Variants in PPARGC1B observed in about 807,000 individuals in gnomAD.
PPARGC1B encodes the protein peroxisome proliferator-activated receptor gamma coactivator 1-beta.
PPARGC1B carries 34 observed loss-of-function variants against 101.6 expected under a neutral mutation model. That is an observed-to-expected ratio of 0.33 (90% CI 0.25 to 0.45). PPARGC1B has a LOEUF of 0.45. Among genes scored for constraint, PPARGC1B ranks in the 20% least tolerant of loss-of-function variants. PPARGC1B has a pLI of 1.00. For synonymous variants in PPARGC1B, 548 were observed against 539.3 expected, an observed-to-expected ratio of 1.02 and a Z score of -0.22; for missense variants, 1,234 against 1,317.6, an observed-to-expected ratio of 0.94 and a Z score of 0.98.
intron 1 of PPARGC1B, among the ~76,000 whole-genome samples, chr5:149,800,265 A>G (rs1461139777): frequency 2.0e-5 from 3 of 152,298 alleles, no homozygotes; most frequent in African/African-American, 7.2e-5. Context: ...TCCACCTAAC[A>G]GCCCATCTTG....
intron 1 of PPARGC1B, among the ~76,000 whole-genome samples, chr5:149,767,709 G>A (rs1353341682): frequency 3.3e-5 from 5 of 152,028 alleles, no homozygotes; most frequent in African/African-American, 1.2e-4. Flanking sequence ...TTGGACATCT[G>A]GCAGGATCAC....
chr5:149,776,045 C>T (rs547104109), intron 1 of PPARGC1B, among the ~76,000 whole-genome samples: 1 of 152,364 alleles, frequency 6.6e-6, no homozygotes, highest in African/African-American at 2.4e-5. Context: ...TTCCCCTCCA[C>T]CTCCTTCTCT....
chr5:149,730,468 CG>C lies in PPARGC1B; in HGVS notation c.78+53del. On this transcript the variant is annotated intron_variant, in intron 1 of 11. Transcript: ENST00000309241. This position sits in a 1 kb window ranked among gnomAD's most constrained non-coding sequence, Gnocchi z 4.0. ...GCCCGGGGCCAGGGGTGCTGAGCTG[CG>C]GGGGCCGCAGCTGCAGCCGCGGAGG... 3 of 1,436,764 alleles carry C rather than the reference CG, an allele frequency of 2.1e-6. No individual in the cohort carries two copies. Among genetic ancestry groups the C allele is most frequent in the Non-Finnish European group, 2.8e-6 (3 of 1,076,376 alleles). 89.0% of individuals were successfully genotyped at this position (1,436,764 alleles called of 1,614,324 possible).
intron 1 of PPARGC1B, among the ~76,000 whole-genome samples, chr5:149,801,558 A>G (rs1757430902): frequency 6.6e-6 from 1 of 152,202 alleles, no homozygotes; most frequent in Admixed American, 6.5e-5. Context: ...GATGTGGGAC[A>G]GGGAGGCAGG....
At chr5:149,745,734 G>A (rs1755062089) in intron 1 of PPARGC1B, among the ~76,000 whole-genome samples, 1 of 146,168 alleles carries the variant, frequency 6.8e-6, no homozygotes, top group Non-Finnish European at 1.5e-5. Flanking sequence ...TTTACAGATG[G>A]GAAAATAGAG....
At chr5:149,754,321 C>G (rs779383590) in intron 1 of PPARGC1B, among the ~76,000 whole-genome samples, 1 of 152,128 alleles carries the variant, frequency 6.6e-6, no homozygotes, top group African/African-American at 2.4e-5. Flanking sequence ...GTGCCCCCCT[C>G]CCCTGGCAGC....
At chr5:149,753,548 T>A (rs1311742263) in intron 1 of PPARGC1B, among the ~76,000 whole-genome samples, 1 of 152,144 alleles carries the variant, frequency 6.6e-6, no homozygotes, top group Admixed American at 6.6e-5. Context: ...AAATTTTTTT[T>A]AACCTACCTC....
At position 149,753,658 on chromosome 5, in the gene PPARGC1B, G is replaced by T. The variant is rs548724472; in HGVS notation, c.78+23238G>T. Among the ~76,000 whole-genome samples, 5 of 152,164 alleles carry T rather than the reference G, an allele frequency of 3.3e-5. No individual in the cohort carries two copies. In the South Asian group the frequency reaches 1.0e-3, roughly 32 times the overall value. ...TGCATAGGATAAATGCCTCAGAGGG[G>T]AATTGCTCAGTTAAAAGGTGTTGTG... On this transcript the variant is annotated intron_variant, in intron 1 of 11. Coordinates refer to ENST00000309241, the MANE Select transcript of PPARGC1B (RefSeq NM_133263.4).
rs368703802 is a variant in PPARGC1B at position 149,826,787 on chromosome 5, T to C, written c.367T>C (p.Ser123Pro). ...AGCCCTGGATGGTGGAGACGCTCTA[T>C]CATGCACCTCAGCTTCGCCTGCCCC... ...FPALDGGDAL[S>P]CTSASPAPSS... The change falls in exon 3 of 12, where the codon TCA becomes CCA. Residue 123 changes from serine to proline, a missense_variant. Physicochemically the swap from Ser to Pro is moderately conservative, Grantham distance 74. Transcript: ENST00000309241. The C allele has an allele frequency of 1.9e-6, 3 of 1,613,914 alleles. No individual in the cohort carries two copies. Among genetic ancestry groups the C allele is most frequent in the Non-Finnish European group, 2.5e-6 (3 of 1,179,870 alleles).
intron 3 of PPARGC1B, among the ~76,000 whole-genome samples, chr5:149,829,497 G>A (rs1758657290): frequency 6.6e-6 from 1 of 152,050 alleles, no homozygotes; most frequent in Non-Finnish European, 1.5e-5. Context: ...AGTGACTTGG[G>A]GTGGCATGTT....
chr5:149,744,845 C>T (rs2113098745), intron 1 of PPARGC1B, among the ~76,000 whole-genome samples: 1 of 151,276 alleles, frequency 6.6e-6, no homozygotes, highest in East Asian at 1.9e-4. Flanking sequence ...AACAGTGGCA[C>T]TTGCGCTTAG....
At chr5:149,799,537 C>T (rs1398147334) in intron 1 of PPARGC1B, among the ~76,000 whole-genome samples, 1 of 152,202 alleles carries the variant, frequency 6.6e-6, no homozygotes, top group South Asian at 2.1e-4. Context: ...GGCCCTGAGG[C>T]TCCTGCTGAT....
chr5:149,752,344 G>A (rs1202658990), intron 1 of PPARGC1B, among the ~76,000 whole-genome samples: 1 of 152,210 alleles, frequency 6.6e-6, no homozygotes, highest in Non-Finnish European at 1.5e-5. Context: ...TTGTGATTCA[G>A]ACTGCAGTCG....
chr5:149,840,183 T>G, intron 9 of PPARGC1B, 67 bp downstream of exon 9: 3 of 1,484,914 alleles, frequency 2.0e-6, no homozygotes, highest in Non-Finnish European at 1.8e-6. Flanking sequence ...GGGGGCTTCA[T>G]GGACCAAAGC....
intron 1 of PPARGC1B, among the ~76,000 whole-genome samples, chr5:149,777,379 C>T (rs867637826): frequency 6.6e-6 from 1 of 152,162 alleles, no homozygotes; most frequent in African/African-American, 2.4e-5. Flanking sequence ...CCTTCCTCCC[C>T]CCACCACCCA....
chr5:149,739,250 A>G (rs781736091), intron 1 of PPARGC1B, among the ~76,000 whole-genome samples: 1 of 152,238 alleles, frequency 6.6e-6, no homozygotes, highest in African/African-American at 2.4e-5. Flanking sequence ...CTCCATGTAC[A>G]AGACGTCATT....
At chr5:149,734,707 G>A (rs1488474336) in intron 1 of PPARGC1B, among the ~76,000 whole-genome samples, 2 of 152,138 alleles carry the variant, frequency 1.3e-5, no homozygotes, top group Non-Finnish European at 2.9e-5. Context: ...TTTGTGCACT[G>A]GCATGGTCTG....
At chr5:149,735,848 G>A (rs1227595600) in intron 1 of PPARGC1B, among the ~76,000 whole-genome samples, 1 of 152,212 alleles carries the variant, frequency 6.6e-6, no homozygotes, top group Non-Finnish European at 1.5e-5. Flanking sequence ...TGCAGAGGCC[G>A]GGTGCGGCGG....
chr5:149,843,822 A>C (rs2113444087), intron 10 of PPARGC1B, among the ~76,000 whole-genome samples: 1 of 152,380 alleles, frequency 6.6e-6, no homozygotes, highest in African/African-American at 2.4e-5. Flanking sequence ...TTAAAAAGGA[A>C]GGAAATTCTG....
Sources: gnomAD v4.1 joint callset for allele counts (sites outside exome capture counted in the v4.1 genomes callset) on GRCh38, gnomAD v4.1.1 for gene constraint, Gnocchi (gnomAD v3.1) non-coding constraint, MANE v1.5 for transcripts, NCBI Gene and HGNC (gene_info 2026-07-23, HGNC 2026-07-21) for gene names.